CERS5: variants seen among roughly 807,000 people sequenced by gnomAD.
The protein encoded by CERS5 is ceramide synthase 5, also known as LAG1 homolog, ceramide synthase 5.
In CERS5, 37 loss-of-function variants were observed where a neutral mutation model predicts 58.9. That is an observed-to-expected ratio of 0.63 (90% CI 0.48 to 0.83). The LOEUF is 0.83. Among genes scored for constraint, CERS5 ranks in the 40% least tolerant of loss-of-function variants. The pLI is 0.00. For synonymous variants in CERS5, 147 were observed against 177.8 expected, an observed-to-expected ratio of 0.83 and a Z score of 1.38; for missense variants, 398 against 489.3, an observed-to-expected ratio of 0.81 and a Z score of 1.76.
intron 1 of CERS5, chr12:50,148,391 T>G: frequency 5.2e-6 from 1 of 193,610 alleles, no homozygotes; most frequent in Non-Finnish European, 1.1e-5. Flanking sequence ...AGCTCAGGAG[T>G]TCAAGACCAG....
At chr12:50,136,101 A>G (rs1186878040) in intron 6 of CERS5, 32 bp from the exon 7 acceptor site, 16 of 1,470,652 alleles carry the variant, frequency 1.1e-5, no homozygotes, top group Non-Finnish European at 1.4e-5. Context: ...AGAGGGAGGT[A>G]AAAGCTGGGC....
chr12:50,136,532 C>G (rs1277565891), intron 6 of CERS5, among the ~76,000 whole-genome samples: 1 of 151,922 alleles, frequency 6.6e-6, no homozygotes, highest in African/African-American at 2.4e-5. Flanking sequence ...TAGCATTTAA[C>G]TGAACACTCC....
At chr12:50,135,251 AGGGAGGGAGAGAG>A (rs1951608388) in intron 8 of CERS5, among the ~76,000 whole-genome samples, 1 of 26,846 alleles carries the variant, frequency 3.7e-5, no homozygotes, top group African/African-American at 1.9e-4. Context: ...GAGAGAGAGG[AGGGAGGGAGAGAG>A]GGGAGGGAGG....
In CERS5 at chr12:50,138,401, G is replaced by A. The variant is rs1329709314; in HGVS notation, c.543+166C>T. 2.3e-5 allele frequency among the ~76,000 whole-genome samples: 3 copies of A among 131,374 alleles called. No homozygotes were observed. In the East Asian group the frequency reaches 1.3e-3, roughly 59 times the overall value. The allele number at this position is 131,374 out of a possible 152,430, so 86.2% of individuals were successfully genotyped here. On this transcript the variant is annotated intron_variant, in intron 5 of 9. Coordinates refer to ENST00000317551, the MANE Select transcript of CERS5 (RefSeq NM_147190.5). Reference sequence around the variant, plus strand: ...TACCTCATATGACTCTTAGCAGTGGGGGGGAAAAAAAAATAGATACCCTGA... The same window carrying A: ...TACCTCATATGACTCTTAGCAGTGGAGGGGAAAAAAAAATAGATACCCTGA...
intron 1 of CERS5, among the ~76,000 whole-genome samples, chr12:50,153,530 G>A (rs11169289): frequency 7.3e-5 from 11 of 151,450 alleles, no homozygotes; most frequent in African/African-American, 2.7e-4. Context: ...CGCCCACCTC[G>A]GCCTCCCAAA....
intron 4 of CERS5, among the ~76,000 whole-genome samples, chr12:50,141,674 C>A (rs1951975950): frequency 6.6e-6 from 1 of 152,086 alleles, no homozygotes; most frequent in South Asian, 2.1e-4. Context: ...CTCAGTGGCT[C>A]ATGCCTGAAA....
chr12:50,166,714 A>T (rs947306867), intron 1 of CERS5, among the ~76,000 whole-genome samples: 1 of 152,134 alleles, frequency 6.6e-6, no homozygotes, highest in African/African-American at 2.4e-5. Context: ...CATGGTCACA[A>T]CTAGCTCTGG....
chr12:50,132,989 C>T lies in CERS5; in HGVS notation c.1029+1557G>A, dbSNP rs533146738. 2.0e-3 allele frequency: 2,624 copies of T among 1,289,030 alleles called. 10 individuals are homozygous for T. The highest frequency in any genetic ancestry group is 2.4e-3 in the Non-Finnish European group (2,342 of 988,634). The allele number at this position is 1,289,030 out of a possible 1,614,324, so 79.8% of individuals were successfully genotyped here. A position where few individuals can be genotyped will look rare whatever the true frequency, so the allele number is the denominator to read the frequency against. On this transcript the variant is annotated intron_variant, in intron 9 of 9. Transcript: ENST00000317551. ...GCAAGAGATGAAACTGTCCAGCTCC[C>T]GCCAGGCATAGAAAAAAGGAAGGAG...
At chr12:50,148,946 ATGTG>A (rs1185465965) in intron 1 of CERS5, among the ~76,000 whole-genome samples, 23 of 103,138 alleles carry the variant, frequency 2.2e-4, no homozygotes, top group Middle Eastern at 4.8e-3. Flanking sequence ...ATATATATAT[ATGTG>A]TGTGTGTGTG....
chr12:50,166,635 TC>T lies in CERS5; in HGVS notation c.197+465del, dbSNP rs545424935. ...TCGGAAACTCAAGCGTCCTAACAAA[TC>T]TTAAGAGTCTGATGAGTCCATTCCT... On this transcript the variant is annotated intron_variant, in intron 1 of 9. Coordinates refer to ENST00000317551, the MANE Select transcript of CERS5 (RefSeq NM_147190.5). 6.5e-3 allele frequency among the ~76,000 whole-genome samples: 987 copies of T among 152,204 alleles called. 17 individuals are homozygous for T. The highest frequency in any genetic ancestry group is 0.022 in the African/African-American group (930 of 41,538).
chr12:50,147,483 C>T (rs1402590983), intron 1 of CERS5: 1 of 151,254 alleles, frequency 6.6e-6, no homozygotes, highest in Non-Finnish European at 1.5e-5. Context: ...TCTGCTACAT[C>T]AGCATTTCTC....
intron 1 of CERS5, among the ~76,000 whole-genome samples, chr12:50,146,244 T>C (rs1411230657): frequency 6.6e-6 from 1 of 152,184 alleles, no homozygotes; most frequent in Non-Finnish European, 1.5e-5. Flanking sequence ...AATGAAACAA[T>C]GTATGCCTAC....
chr12:50,164,439 A>T (rs1449355055), intron 1 of CERS5, among the ~76,000 whole-genome samples: 1 of 152,110 alleles, frequency 6.6e-6, no homozygotes, highest in South Asian at 2.1e-4. Context: ...AAAAACAACA[A>T]TAAGAGTGGA....
intron 4 of CERS5, 129 bp from the exon 5 acceptor site, chr12:50,138,746 G>A: frequency 1.3e-6 from 1 of 785,450 alleles, no homozygotes; most frequent in Non-Finnish European, 2.3e-6. Context: ...CAGATTTTAG[G>A]GCTCCCTAAA....
In CERS5 at chr12:50,129,670, C is replaced by G. The variant is rs1322116239; in HGVS notation, c.*875G>C. 2 of 151,968 alleles carry G rather than the reference C, an allele frequency of 1.3e-5. No individual in the cohort carries two copies. The highest frequency in any genetic ancestry group is 4.8e-5 in the African/African-American group (2 of 41,344). The allele number at this position is 151,968 out of a possible 1,614,324, so 9.4% of individuals were successfully genotyped here. A position where few individuals can be genotyped will look rare whatever the true frequency, so the allele number is the denominator to read the frequency against. ...ATGTAAGCACCCTGGCTGACTCTTC[C>G]TACCATGCACAGAAAGGAAAAATTT... On this transcript the variant is annotated 3_prime_UTR_variant, in exon 10 of 10. Coordinates refer to ENST00000317551, the MANE Select transcript of CERS5 (RefSeq NM_147190.5).
chr12:50,135,159 AGAGAGGGGAGGGAGG>A (rs1951582123), intron 8 of CERS5, among the ~76,000 whole-genome samples: 1 of 36,198 alleles, frequency 2.8e-5, no homozygotes, highest in Admixed American at 2.4e-4. Flanking sequence ...AGGGAGGGAG[AGAGAGGGGAGGGAGG>A]GAGAGAGAGG....
intron 9 of CERS5, chr12:50,133,291 C>A: frequency 9.2e-7 from 1 of 1,083,638 alleles, no homozygotes; most frequent in Non-Finnish European, 1.1e-6. Context: ...AAATCCCTAG[C>A]CCTTTGACTA....
intron 6 of CERS5, among the ~76,000 whole-genome samples, chr12:50,136,707 T>G (rs565049372): frequency 1.3e-5 from 2 of 152,282 alleles, no homozygotes; most frequent in East Asian, 3.9e-4. Context: ...TGAGATTCTA[T>G]GACTCTTCTG....
intron 6 of CERS5, 21 bp downstream of exon 6, chr12:50,137,707 T>G (rs1367760296): frequency 7.3e-7 from 1 of 1,377,226 alleles, no homozygotes; most frequent in African/African-American, 1.4e-5. Flanking sequence ...GTTGGGGAAT[T>G]GAGGGAGCCA....
Sources: allele counts gnomAD v4.1 joint callset (sites outside exome capture counted in the v4.1 genomes callset), GRCh38; gene constraint gnomAD v4.1.1; transcripts MANE v1.5; gene names NCBI Gene and HGNC (gene_info 2026-07-23, HGNC 2026-07-21).